The following TRERF1 variants were observed in gnomAD, a reference collection of about 807,000 sequenced individuals.
The protein encoded by TRERF1 is transcriptional-regulating factor 1.
A neutral mutation model predicts 122.9 loss-of-function variants in TRERF1; 27 were observed. The observed-to-expected ratio is 0.22, with a 90% confidence interval of 0.16 to 0.30. The LOEUF (loss-of-function observed/expected upper bound fraction) is 0.30, where lower values mean the gene tolerates loss of function less well. Among genes scored for constraint, TRERF1 ranks in the 10% least tolerant of loss-of-function variants. The probability of loss-of-function intolerance (pLI) is 1.00; values close to 1 mark genes in which losing one functional copy is unlikely to be tolerated. For synonymous variants in TRERF1, 636 were observed against 641.7 expected, an observed-to-expected ratio of 0.99 and a Z score of 0.13; for missense variants, 1,248 against 1,560.3, an observed-to-expected ratio of 0.80 and a Z score of 3.37.
intron 4 of TRERF1, among the ~76,000 whole-genome samples, chr6:42,285,600 TATG>T (rs1783057140): frequency 6.6e-6 from 1 of 150,640 alleles, no homozygotes; most frequent in African/African-American, 2.4e-5. Flanking sequence ...GCCCATTCAG[TATG>T]ATATTGGCTG....
intron 2 of TRERF1, among the ~76,000 whole-genome samples, chr6:42,378,837 C>G (rs1228135098): frequency 6.6e-6 from 1 of 152,184 alleles, no homozygotes; most frequent in African/African-American, 2.4e-5. Flanking sequence ...ATATTGTAGG[C>G]TGGGCCGGTG....
At chr6:42,402,197 C>G (rs1779481977) in intron 2 of TRERF1, among the ~76,000 whole-genome samples, 1 of 152,158 alleles carries the variant, frequency 6.6e-6, no homozygotes, top group Non-Finnish European at 1.5e-5. Context: ...GACCTTGGTA[C>G]TACTTGGGAC....
rs551465866 is a variant in TRERF1 at position 42,246,664 on chromosome 6, C to T, written c.2657-120G>A. The T allele has an allele frequency of 4.5e-5, 28 of 615,696 alleles. No homozygotes were observed. The South Asian group carries it at 5.7e-4, about 12-fold the overall frequency. The allele number at this position is 615,696 out of a possible 1,614,324, so 38.1% of individuals were successfully genotyped here. ...AGCAAGTGATATAATACATATCAAACTCCCATTTGAACAAAAAGATAGTGT... is the reference window on the plus strand; with the variant it reads ...AGCAAGTGATATAATACATATCAAATTCCCATTTGAACAAAAAGATAGTGT... On this transcript the variant is annotated intron_variant, in intron 13 of 17. Transcript: ENST00000372922.
intron 15 of TRERF1, 33 bp from the exon 16 acceptor site, chr6:42,236,444 A>G (rs1772212921): frequency 6.5e-7 from 1 of 1,544,752 alleles, no homozygotes; most frequent in African/African-American, 1.4e-5. Flanking sequence ...AAGAGGGGAA[A>G]ATCCCCAAAT....
chr6:42,422,752 C>T (rs969779707), intron 2 of TRERF1, among the ~76,000 whole-genome samples: 1 of 152,102 alleles, frequency 6.6e-6, no homozygotes, highest in African/African-American at 2.4e-5. Context: ...CACTGCCGTC[C>T]AGGATGGCCA....
intron 2 of TRERF1, among the ~76,000 whole-genome samples, chr6:42,440,599 A>T (rs1786331333): frequency 6.6e-6 from 1 of 152,174 alleles, no homozygotes; most frequent in Non-Finnish European, 1.5e-5. Context: ...TGAGCCCCTA[A>T]ATAGGCTCTT....
At chr6:42,291,965 G>A (rs1264135430) in intron 4 of TRERF1, among the ~76,000 whole-genome samples, 1 of 152,124 alleles carries the variant, frequency 6.6e-6, no homozygotes, top group Non-Finnish European at 1.5e-5. Flanking sequence ...AAAGATTGGG[G>A]TTCAAATCTC....
At position 42,262,523 on chromosome 6, in the gene TRERF1, G is replaced by C. The variant is rs989289364; in HGVS notation, c.1884+797C>G. Among the ~76,000 whole-genome samples, 23 of 44,068 alleles carry C rather than the reference G, an allele frequency of 5.2e-4. 3 individuals carry two copies. Among genetic ancestry groups the C allele is most frequent in the South Asian group, 1.3e-3 (1 of 768 alleles). The allele number at this position is 44,068 out of a possible 152,430, so 28.9% of individuals were successfully genotyped here. Reference sequence around the variant, plus strand: ...AGAGAGAGAGAGAGAGAGAGAGAGAGAGAGAGAGAGAGAGAGAGAGAGAGA... The same window carrying C: ...AGAGAGAGAGAGAGAGAGAGAGAGACAGAGAGAGAGAGAGAGAGAGAGAGA... On this transcript the variant is annotated intron_variant, in intron 8 of 17. Transcript: ENST00000372922.
intron 4 of TRERF1, among the ~76,000 whole-genome samples, chr6:42,292,487 G>A (rs929871624): frequency 6.6e-6 from 1 of 152,206 alleles, no homozygotes; most frequent in African/African-American, 2.4e-5. Context: ...AGTTCGTTCA[G>A]TAGAATTGTT....
chr6:42,234,065 CA>C (rs1308847480), intron 16 of TRERF1, among the ~76,000 whole-genome samples: 16 of 152,088 alleles, frequency 1.1e-4, no homozygotes, highest in Non-Finnish European at 2.4e-4. Context: ...GGATGTTTAG[CA>C]GCATCTCTGG....
chr6:42,311,765 C>CAAAAAAAA (rs10530333), intron 3 of TRERF1, among the ~76,000 whole-genome samples: 1 of 34,588 alleles, frequency 2.9e-5, no homozygotes, highest in Non-Finnish European at 6.9e-5. Context: ...GACTCCGTCT[C>CAAAAAAAA]AAAAAAAAAA....
At chr6:42,349,782 T>C (rs972127042) in intron 3 of TRERF1, among the ~76,000 whole-genome samples, 2 of 152,218 alleles carry the variant, frequency 1.3e-5, no homozygotes, top group Admixed American at 1.3e-4. Context: ...GATGTTTACC[T>C]ATTCTCTTTC....
At chr6:42,251,375 A>T (rs1775788497) in intron 13 of TRERF1, among the ~76,000 whole-genome samples, 1 of 152,074 alleles carries the variant, frequency 6.6e-6, no homozygotes, top group Non-Finnish European at 1.5e-5. Context: ...CCAAATTTTC[A>T]TTTCCACACA....
At chr6:42,387,326 C>G (rs748176309) in intron 2 of TRERF1, among the ~76,000 whole-genome samples, 5 of 152,250 alleles carry the variant, frequency 3.3e-5, no homozygotes, top group Non-Finnish European at 7.3e-5. Flanking sequence ...AAACTTCTTA[C>G]TAGCGAAGTC....
At chr6:42,279,313 C>T (rs549112837) in intron 4 of TRERF1, among the ~76,000 whole-genome samples, 21 of 152,248 alleles carry the variant, frequency 1.4e-4, no homozygotes, top group African/African-American at 5.1e-4. Context: ...GAACTTGGGG[C>T]GTGGGGCCTT....
chr6:42,274,524 C>T (rs1317102651), intron 4 of TRERF1, among the ~76,000 whole-genome samples: 2 of 151,772 alleles, frequency 1.3e-5, no homozygotes, highest in East Asian at 3.9e-4. Context: ...AAAAAAAATA[C>T]AAAAATTAGC....
chr6:42,244,909 C>T (rs1340030271), intron 14 of TRERF1, among the ~76,000 whole-genome samples: 2 of 152,212 alleles, frequency 1.3e-5, no homozygotes, highest in African/African-American at 2.4e-5. Flanking sequence ...GGTGTAATAA[C>T]GTGGGTTTGC....
intron 3 of TRERF1, 162 bp downstream of exon 3, chr6:42,362,835 C>T (rs1772021067): frequency 1.3e-5 from 2 of 153,842 alleles, no homozygotes; most frequent in South Asian, 2.1e-4. Context: ...CAATCCCTGA[C>T]CATTTCCCAG....
In TRERF1 at chr6:42,231,527, G is replaced by A. The variant is rs552259150; in HGVS notation, c.3278+1154C>T. Among the ~76,000 whole-genome samples, 42 of 152,304 alleles carry A rather than the reference G, an allele frequency of 2.8e-4. No individual in the cohort carries two copies. In the East Asian group the frequency reaches 2.9e-3, roughly 10 times the overall value. Reference sequence around the variant, plus strand: ...TGCTGATGTAACTAGGGATGTTTTCGTGGTAGAGTTTCAGAAACCACTTGG... The same window carrying A: ...TGCTGATGTAACTAGGGATGTTTTCATGGTAGAGTTTCAGAAACCACTTGG... On this transcript the variant is annotated intron_variant, in intron 17 of 17. Transcript: ENST00000372922.
Sources: gnomAD v4.1 joint callset for allele counts (sites outside exome capture counted in the v4.1 genomes callset) on GRCh38, gnomAD v4.1.1 for gene constraint, MANE v1.5 for transcripts, NCBI Gene and HGNC (gene_info 2026-07-23, HGNC 2026-07-21) for gene names.